The following GRM8 variants were observed in gnomAD, a reference collection of about 807,000 sequenced individuals.
GRM8 encodes metabotropic glutamate receptor 8.
In GRM8, 47 loss-of-function variants were observed where a neutral mutation model predicts 87.2. That is an observed-to-expected ratio of 0.54 (90% CI 0.43 to 0.69). The LOEUF (loss-of-function observed/expected upper bound fraction) is 0.69, where lower values mean the gene tolerates loss of function less well. Ranked by LOEUF, GRM8 falls within the 30% of genes least tolerant of loss-of-function variation. The pLI is 0.00. For synonymous variants in GRM8, 396 were observed against 404.5 expected (o/e 0.98, Z 0.25); for missense variants, 1,019 against 1,139.2 (o/e 0.89, Z 1.52).
chr7:126,445,942 G>C, intron 10 of GRM8, 184 bp downstream of exon 10: 1 of 662,554 alleles, frequency 1.5e-6, no homozygotes, highest in Non-Finnish European at 2.6e-6. Flanking sequence ...CTGTAGAACA[G>C]CCGCTCATCT....
At chr7:127,232,363 T>C (rs1797744412) in intron 2 of GRM8, among the ~76,000 whole-genome samples, 3 of 152,140 alleles carry the variant, frequency 2.0e-5, no homozygotes, top group Admixed American at 2.0e-4. Context: ...CCAGAGTAGC[T>C]GGAACTACAA....
chr7:126,578,335 C>A (rs1239612627), intron 8 of GRM8, among the ~76,000 whole-genome samples: 1 of 152,134 alleles, frequency 6.6e-6, no homozygotes, highest in African/African-American at 2.4e-5. Context: ...TTCCACTTAG[C>A]ATCCTAAAGA....
At chr7:126,602,389 T>A (rs950020933) in intron 8 of GRM8, among the ~76,000 whole-genome samples, 2 of 125,746 alleles carry the variant, frequency 1.6e-5, no homozygotes, top group African/African-American at 5.3e-5. Context: ...TTTGTTCTTT[T>A]GGCTTAGGAT....
intron 7 of GRM8, among the ~76,000 whole-genome samples, chr7:126,655,890 G>C (rs565342860): frequency 6.6e-6 from 1 of 152,218 alleles, no homozygotes; most frequent in African/African-American, 2.4e-5. Flanking sequence ...TCACATTCCA[G>C]GGTACCTATA....
intron 1 of GRM8, among the ~76,000 whole-genome samples, chr7:127,244,250 G>A (rs1327177169): frequency 6.6e-6 from 1 of 152,166 alleles, no homozygotes; most frequent in Non-Finnish European, 1.5e-5. Context: ...TATATTAACA[G>A]TTCTGAGGGA....
intron 9 of GRM8, among the ~76,000 whole-genome samples, chr7:126,498,170 A>G (rs534132608): frequency 2.6e-5 from 4 of 152,046 alleles, no homozygotes; most frequent in Non-Finnish European, 5.9e-5. Flanking sequence ...GACATAGGAG[A>G]GCTGTGTATA....
At chr7:126,618,931 G>A (rs529629085) in intron 7 of GRM8, among the ~76,000 whole-genome samples, 1 of 152,336 alleles carries the variant, frequency 6.6e-6, no homozygotes, top group African/African-American at 2.4e-5. Flanking sequence ...TGTTGGGACT[G>A]TAAACTAGTT....
intron 7 of GRM8, among the ~76,000 whole-genome samples, chr7:126,750,214 G>C (rs920171093): frequency 6.6e-6 from 1 of 152,000 alleles, no homozygotes; most frequent in South Asian, 2.1e-4. Context: ...GTGGGAGAAA[G>C]AACACAAAAT....
intron 6 of GRM8, among the ~76,000 whole-genome samples, chr7:126,799,690 C>T (rs545272238): frequency 2.0e-5 from 3 of 152,248 alleles, no homozygotes; most frequent in Admixed American, 1.3e-4. Flanking sequence ...CTATTAGTAA[C>T]CGAAGTACTG....
intron 9 of GRM8, among the ~76,000 whole-genome samples, chr7:126,477,586 A>AGAAG (rs1806109421): frequency 1.7e-5 from 1 of 57,542 alleles, no homozygotes; most frequent in Non-Finnish European, 3.4e-5. Flanking sequence ...AAAGAGAGAA[A>AGAAG]GAAAGAAAGA....
intron 3 of GRM8, among the ~76,000 whole-genome samples, chr7:127,073,249 C>A (rs908770849): frequency 2.0e-5 from 3 of 152,130 alleles, no homozygotes; most frequent in African/African-American, 7.2e-5. Context: ...GCATGCAGGG[C>A]AGAAGGCCAG....
At position 127,162,100 on chromosome 7, in the gene GRM8, C is replaced by T. The variant is rs549055210; in HGVS notation, c.511-55388G>A. ...ACTCTTCTGGTTATACAATGTTGAA[C>T]TATATAGCATTTGTAAGATCCTCTT... On this transcript the variant is annotated intron_variant, in intron 2 of 10. Transcript: ENST00000339582. 2.0e-5 allele frequency among the ~76,000 whole-genome samples: 3 copies of T among 152,264 alleles called. No homozygotes were observed. In the East Asian group the frequency reaches 5.8e-4, roughly 29 times the overall value.
intron 7 of GRM8, among the ~76,000 whole-genome samples, chr7:126,736,046 A>T (rs1814175330): frequency 6.6e-6 from 1 of 152,070 alleles, no homozygotes; most frequent in Non-Finnish European, 1.5e-5. Context: ...CAGAAGGCTG[A>T]TGTAAGCTCT....
intron 7 of GRM8, among the ~76,000 whole-genome samples, chr7:126,740,368 T>G (rs142563328): frequency 6.6e-4 from 101 of 152,198 alleles, no homozygotes; most frequent in Non-Finnish European, 7.4e-4. Context: ...TCAAGTCAAA[T>G]TGAATTGGTT....
At chr7:126,728,307 G>A (rs1813231586) in intron 7 of GRM8, among the ~76,000 whole-genome samples, 3 of 152,126 alleles carry the variant, frequency 2.0e-5, no homozygotes, top group South Asian at 4.1e-4. Context: ...TGCTGACAGC[G>A]CTGCTTGGAA....
chr7:126,719,431 C>T (rs1312366691), intron 7 of GRM8, among the ~76,000 whole-genome samples: 1 of 152,184 alleles, frequency 6.6e-6, no homozygotes, highest in Non-Finnish European at 1.5e-5. Flanking sequence ...AATTCTGCTG[C>T]AATCATATTC....
At chr7:126,946,721 T>G (rs1807578609) in intron 3 of GRM8, among the ~76,000 whole-genome samples, 1 of 152,146 alleles carries the variant, frequency 6.6e-6, no homozygotes, top group Admixed American at 6.5e-5. Context: ...CAGAGAAATA[T>G]CCAGCAGACC....
At chr7:126,969,965 G>A (rs1438270278) in intron 3 of GRM8, among the ~76,000 whole-genome samples, 1 of 151,696 alleles carries the variant, frequency 6.6e-6, no homozygotes, top group Non-Finnish European at 1.5e-5. Context: ...GACTAGGTGT[G>A]TTCTCAATGA....
At chr7:126,580,368 C>T (rs185800279) in intron 8 of GRM8, among the ~76,000 whole-genome samples, 29 of 152,188 alleles carry the variant, frequency 1.9e-4, no homozygotes, top group Admixed American at 1.0e-3. Flanking sequence ...CATTCTCTAC[C>T]CCTGGTATTT....
Sources: allele counts gnomAD v4.1 joint callset (sites outside exome capture counted in the v4.1 genomes callset), GRCh38; gene constraint gnomAD v4.1.1; transcripts MANE v1.5; gene names NCBI Gene and HGNC (gene_info 2026-07-23, HGNC 2026-07-21).